Variants in EVI5 observed in about 807,000 individuals in gnomAD.
EVI5 encodes the protein ecotropic viral integration site 5 protein homolog.
Under a neutral mutation model 112.0 loss-of-function variants are expected in EVI5, and 73 were observed. The ratio of observed to expected loss-of-function variants is 0.65; its 90% CI spans 0.54 to 0.79. The LOEUF is 0.79. EVI5 is among the 30% of genes least tolerant of loss of function. The pLI is 0.00. For synonymous variants in EVI5, 305 were observed against 319.9 expected, an observed-to-expected ratio of 0.95 and a Z score of 0.50; for missense variants, 900 against 968.8, an observed-to-expected ratio of 0.93 and a Z score of 0.94.
At chr1:92,717,303 G>C (rs1174361547) in intron 2 of EVI5, among the ~76,000 whole-genome samples, 1 of 152,130 alleles carries the variant, frequency 6.6e-6, no homozygotes, top group African/African-American at 2.4e-5. Context: ...AGAAAGGTCG[G>C]GTTACCCACA....
intron 13 of EVI5, among the ~76,000 whole-genome samples, chr1:92,653,518 C>G (rs1030951522): frequency 1.9e-4 from 29 of 152,320 alleles, no homozygotes; most frequent in African/African-American, 6.7e-4. Flanking sequence ...TGCTCAGACC[C>G]AGGCATGGAG....
intron 17 of EVI5, chr1:92,607,361 C>A: frequency 2.5e-6 from 1 of 405,060 alleles, no homozygotes; most frequent in East Asian, 4.1e-5. Context: ...ATTAAATTAA[C>A]CAAGGAAGTG....
At position 92,605,386 on chromosome 1, in the gene EVI5, A is replaced by G. The variant is rs762486917; in HGVS notation, c.1991T>C (p.Met664Thr). 6.2e-7 allele frequency: 1 copy of G among 1,612,126 alleles called. No individual in the cohort carries two copies. Among genetic ancestry groups the G allele is most frequent in the East Asian group, 2.2e-5 (1 of 44,882 alleles). ...ATCTGCTTCCCGAAGCCTCACAGCC[A>G]TCACTTCTTCCTTATTCTAGTGTGG... is the stretch of plus-strand genomic sequence containing the variant. Reference protein sequence around the residue: ...EIECKNKEEVMAVRLREADSI... With the variant: ...EIECKNKEEVTAVRLREADSI... Residue 664 changes from methionine (M) to threonine (T), a missense_variant, in exon 18 of 20, where the codon ATG (methionine) becomes ACG (threonine). Physicochemically the swap from Met to Thr is moderately conservative, Grantham distance 81 (BLOSUM62 -1). Transcript: ENST00000684568.
intron 1 of EVI5, among the ~76,000 whole-genome samples, chr1:92,737,289 A>G (rs1409983924): frequency 2.0e-5 from 3 of 152,186 alleles, no homozygotes; most frequent in Non-Finnish European, 4.4e-5. Flanking sequence ...TAGTTGGCTT[A>G]TTCAGAAATA....
intron 5 of EVI5, chr1:92,701,066 T>C (rs773841898): frequency 1.3e-5 from 2 of 152,180 alleles, no homozygotes; most frequent in Admixed American, 6.5e-5. Context: ...TTCTTATATA[T>C]GCTGTAACAC....
intron 16 of EVI5, among the ~76,000 whole-genome samples, chr1:92,615,535 CAT>C (rs1652925897): frequency 6.6e-6 from 1 of 152,122 alleles, no homozygotes; most frequent in South Asian, 2.1e-4. Flanking sequence ...AAGCTGGGGA[CAT>C]AGAGGTTTGT....
At chr1:92,613,775 A>G (rs997582685) in intron 16 of EVI5, among the ~76,000 whole-genome samples, 2 of 151,750 alleles carry the variant, frequency 1.3e-5, no homozygotes, top group Admixed American at 6.6e-5. Context: ...ATTTTTATAC[A>G]AGACAGGGTC....
chr1:92,649,027 C>T (rs1661568451), intron 13 of EVI5, among the ~76,000 whole-genome samples: 1 of 152,198 alleles, frequency 6.6e-6, no homozygotes, highest in African/African-American at 2.4e-5. Context: ...TTTTCCACCT[C>T]ATTGCCAACA....
At chr1:92,552,601 C>T (rs1667109987) in intron 19 of EVI5, among the ~76,000 whole-genome samples, 1 of 152,138 alleles carries the variant, frequency 6.6e-6, no homozygotes, top group African/African-American at 2.4e-5. Flanking sequence ...GTTTCTTGAC[C>T]AGTGTGATAT....
At chr1:92,547,872 A>G (rs1557758652) in intron 19 of EVI5, among the ~76,000 whole-genome samples, 1 of 152,232 alleles carries the variant, frequency 6.6e-6, no homozygotes, top group Non-Finnish European at 1.5e-5. Context: ...ACCAACCAAA[A>G]AAAGTCCAGG....
At chr1:92,659,170 C>A (rs2102137525) in intron 13 of EVI5, among the ~76,000 whole-genome samples, 1 of 152,192 alleles carries the variant, frequency 6.6e-6, no homozygotes, top group East Asian at 1.9e-4. Flanking sequence ...CTGGGAAGAA[C>A]CTATCTGCTC....
intron 16 of EVI5, among the ~76,000 whole-genome samples, chr1:92,610,956 G>A (rs1651628920): frequency 1.3e-5 from 2 of 151,112 alleles, no homozygotes; most frequent in Non-Finnish European, 3.0e-5. Context: ...GTGGGGTTGG[G>A]GGAGGGGGGA....
chr1:92,551,016 C>CTTT (rs1176420479), intron 19 of EVI5, among the ~76,000 whole-genome samples: 3 of 121,456 alleles, frequency 2.5e-5, no homozygotes, highest in African/African-American at 9.0e-5. Flanking sequence ...GCACTAATTT[C>CTTT]TTTTTTCTTT....
chr1:92,592,159 C>T (rs7416029), intron 18 of EVI5, among the ~76,000 whole-genome samples: 140,242 of 152,236 alleles, frequency 0.92, 64,684 homozygotes, highest in East Asian at 0.97. Context: ...AGGAGAACGG[C>T]GTGAACCCAG....
intron 2 of EVI5, among the ~76,000 whole-genome samples, chr1:92,717,978 A>C (rs1213572932): frequency 6.6e-6 from 1 of 152,214 alleles, no homozygotes; most frequent in Non-Finnish European, 1.5e-5. Flanking sequence ...TAAAGGGATC[A>C]ATTCAACAAG....
At chr1:92,728,819 A>C (rs1433219939) in intron 2 of EVI5, among the ~76,000 whole-genome samples, 2 of 152,072 alleles carry the variant, frequency 1.3e-5, no homozygotes, top group African/African-American at 4.8e-5. Flanking sequence ...ATGCCATGCT[A>C]CTCCGTCCTG....
intron 14 of EVI5, among the ~76,000 whole-genome samples, chr1:92,634,621 C>T (rs546190509): frequency 1.3e-5 from 2 of 152,218 alleles, no homozygotes; most frequent in Non-Finnish European, 2.9e-5. Flanking sequence ...GCCATGGGTT[C>T]GAACTTCCTC....
chr1:92,589,509 C>G (rs1284367380), intron 18 of EVI5, among the ~76,000 whole-genome samples: 1 of 152,164 alleles, frequency 6.6e-6, no homozygotes, highest in Non-Finnish European at 1.5e-5. Flanking sequence ...CACAGAGTCT[C>G]GCTCATTGCT....
intron 13 of EVI5, chr1:92,647,744 T>C (rs1661236433): frequency 5.6e-6 from 1 of 177,244 alleles, no homozygotes; most frequent in Non-Finnish European, 1.2e-5. Context: ...ATAACATTTT[T>C]TGAGGGGGTG....
Sources: allele counts gnomAD v4.1 joint callset (sites outside exome capture counted in the v4.1 genomes callset), GRCh38; gene constraint gnomAD v4.1.1; transcripts MANE v1.5; gene names NCBI Gene and HGNC (gene_info 2026-07-23, HGNC 2026-07-21).